Variants in CACNB2 observed in about 807,000 individuals in gnomAD.
CACNB2 encodes the protein calcium voltage-gated channel auxiliary subunit beta 2.
CACNB2 carries 42 observed loss-of-function variants against 73.3 expected under a neutral mutation model. The ratio of observed to expected loss-of-function variants is 0.57; its 90% CI spans 0.45 to 0.74. The LOEUF (loss-of-function observed/expected upper bound fraction) is 0.74, where lower values mean the gene tolerates loss of function less well. Among genes scored for constraint, CACNB2 ranks in the 30% least tolerant of loss-of-function variants. The pLI, the probability that CACNB2 is intolerant of heterozygous loss-of-function variation, is 0.00. For missense variants in CACNB2, 940 were observed against 853.0 expected (o/e 1.10, Z -1.27); for synonymous variants, 348 against 310.3 (o/e 1.12, Z -1.28).
intron 9 of CACNB2, among the ~76,000 whole-genome samples, chr10:18,525,552 C>T (rs576156323): frequency 1.3e-5 from 2 of 152,030 alleles, no homozygotes; most frequent in Non-Finnish European, 2.9e-5. Context: ...TGTCTTTTTC[C>T]TCTGAAAGCT....
intron 10 of CACNB2, among the ~76,000 whole-genome samples, chr10:18,529,823 C>G (rs2133244225): frequency 6.6e-6 from 1 of 152,290 alleles, no homozygotes; most frequent in Admixed American, 6.5e-5. Flanking sequence ...ATCTATCACA[C>G]TTAAAACTCT....
At chr10:18,235,751 A>G (rs1373344688) in intron 2 of CACNB2, among the ~76,000 whole-genome samples, 1 of 152,024 alleles carries the variant, frequency 6.6e-6, no homozygotes, top group East Asian at 1.9e-4. Flanking sequence ...AAGAGGGGCA[A>G]TGAGGTTTTG....
chr10:18,458,133 A>C (rs1374484108), intron 3 of CACNB2, among the ~76,000 whole-genome samples: 2 of 152,248 alleles, frequency 1.3e-5, no homozygotes, highest in African/African-American at 4.8e-5. Flanking sequence ...CTTTAAAAAT[A>C]TACAAGTATT....
Position 18,192,431 on chromosome 10 carries a change from G to T in CACNB2, c.213+41456G>T, listed in dbSNP as rs574928700. 4.6e-5 allele frequency among the ~76,000 whole-genome samples: 7 copies of T among 152,052 alleles called. No homozygotes were observed. In the East Asian group the frequency reaches 1.4e-3, roughly 29 times the overall value. On this transcript the variant is annotated intron_variant, in intron 2 of 13. Transcript: ENST00000324631. ...GGTGTGATCATGGCTGACTGTAGCCGCCAACTCCTGGGCTCAAGTGATCCT... is the reference window on the plus strand; with the variant it reads ...GGTGTGATCATGGCTGACTGTAGCCTCCAACTCCTGGGCTCAAGTGATCCT...
chr10:18,199,713 T>C (rs1333895957), intron 2 of CACNB2, among the ~76,000 whole-genome samples: 1 of 152,226 alleles, frequency 6.6e-6, no homozygotes, highest in East Asian at 1.9e-4. Flanking sequence ...ACGTGATATA[T>C]ACTGTAAGAT....
intron 3 of CACNB2, among the ~76,000 whole-genome samples, chr10:18,441,336 C>G (rs537291286): frequency 1.2e-4 from 18 of 152,262 alleles, no homozygotes; most frequent in African/African-American, 3.9e-4. Context: ...ACCAGGGAGT[C>G]AGAGGTTACA....
chr10:18,372,555 C>T (rs558388454), intron 2 of CACNB2, among the ~76,000 whole-genome samples: 14 of 151,940 alleles, frequency 9.2e-5, no homozygotes, highest in East Asian at 1.9e-4. Context: ...TACAGATGTC[C>T]GCCACTATGC....
chr10:18,291,437 G>A (rs918510043), intron 2 of CACNB2, among the ~76,000 whole-genome samples: 1 of 152,110 alleles, frequency 6.6e-6, no homozygotes, highest in Non-Finnish European at 1.5e-5. Flanking sequence ...TTTTTTCAAG[G>A]GACTACTCCA....
At chr10:18,331,364 G>A (rs1266731881) in intron 2 of CACNB2, among the ~76,000 whole-genome samples, 1 of 151,590 alleles carries the variant, frequency 6.6e-6, no homozygotes, top group Non-Finnish European at 1.5e-5. Flanking sequence ...TGAGGCAGGA[G>A]GATCACTTGA....
intron 3 of CACNB2, among the ~76,000 whole-genome samples, chr10:18,439,849 G>A (rs974716892): frequency 1.3e-5 from 2 of 152,142 alleles, no homozygotes; most frequent in Admixed American, 6.5e-5. Context: ...ACCAGGAACA[G>A]AGTAAACAAA....
intron 3 of CACNB2, among the ~76,000 whole-genome samples, chr10:18,428,583 G>A (rs538053922): frequency 1.3e-5 from 2 of 152,178 alleles, no homozygotes; most frequent in East Asian, 3.9e-4. Context: ...CTACTCTGGA[G>A]GCTGAGGTAT....
chr10:18,351,486 A>G (rs145818277), intron 2 of CACNB2, among the ~76,000 whole-genome samples: 2 of 152,340 alleles, frequency 1.3e-5, no homozygotes, highest in East Asian at 3.9e-4. Flanking sequence ...GAGATGATGA[A>G]CTGGAAAATG....
At chr10:18,433,709 G>C (rs1051184087) in intron 3 of CACNB2, among the ~76,000 whole-genome samples, 14 of 152,046 alleles carry the variant, frequency 9.2e-5, no homozygotes, top group African/African-American at 3.4e-4. Context: ...TTGAGAAGGA[G>C]GAAAGAGTGG....
intron 2 of CACNB2, among the ~76,000 whole-genome samples, chr10:18,300,577 G>T (rs2039468117): frequency 6.6e-6 from 1 of 152,246 alleles, no homozygotes; most frequent in African/African-American, 2.4e-5. Context: ...CTAGGTGTTT[G>T]TTATGCCTTT....
chr10:18,512,336 G>A (rs937394371), intron 6 of CACNB2, among the ~76,000 whole-genome samples: 2 of 152,140 alleles, frequency 1.3e-5, no homozygotes, highest in South Asian at 4.1e-4. Context: ...TTGGGACCCA[G>A]TGTTTTCCCA....
chr10:18,147,945 C>T (rs1278426861), intron 1 of CACNB2, among the ~76,000 whole-genome samples: 3 of 151,948 alleles, frequency 2.0e-5, no homozygotes, highest in Non-Finnish European at 4.4e-5. Flanking sequence ...TTTGTAATAG[C>T]AGGATGAATT....
chr10:18,239,247 T>C (rs1271656540), intron 2 of CACNB2, among the ~76,000 whole-genome samples: 1 of 152,220 alleles, frequency 6.6e-6, no homozygotes, highest in Middle Eastern at 3.2e-3. Context: ...TCTAGGCTTT[T>C]AGTGTAACCA....
At chr10:18,384,171 C>T (rs17611696) in intron 2 of CACNB2, among the ~76,000 whole-genome samples, 17,129 of 152,114 alleles carry the variant, frequency 0.11, 1,054 homozygotes, top group Middle Eastern at 0.19. Flanking sequence ...CTGAGACTCC[C>T]GAAGATCAAT....
At chr10:18,347,276 T>C (rs1648319621) in intron 2 of CACNB2, among the ~76,000 whole-genome samples, 1 of 151,234 alleles carries the variant, frequency 6.6e-6, no homozygotes, top group South Asian at 2.1e-4. Context: ...CTCCCAGATG[T>C]AAGCAATTCT....
Sources: gnomAD v4.1 joint callset for allele counts (sites outside exome capture counted in the v4.1 genomes callset) on GRCh38, gnomAD v4.1.1 for gene constraint, MANE v1.5 for transcripts, NCBI Gene and HGNC (gene_info 2026-07-23, HGNC 2026-07-21) for gene names.